Variants in KICS2 observed in about 807,000 individuals in gnomAD.
The protein encoded by KICS2 is KICSTOR complex protein C12orf66.
KICS2 carries 13 observed loss-of-function variants against 31.4 expected under a neutral mutation model. The observed-to-expected ratio is 0.41, with a 90% CI of 0.27 to 0.66. The LOEUF is 0.66. Among genes scored for constraint, KICS2 ranks in the 30% least tolerant of loss-of-function variants. The pLI, the probability that KICS2 is intolerant of heterozygous loss-of-function variation, is 0.28. For missense variants in KICS2, 455 were observed against 545.4 expected (o/e 0.83, Z 1.65); for synonymous variants, 209 against 214.8 (o/e 0.97, Z 0.24).
intron 1 of KICS2, 93 bp downstream of exon 1, chr12:64,221,910 G>C (rs980506291): frequency 9.0e-6 from 12 of 1,340,532 alleles, no homozygotes; most frequent in South Asian, 2.9e-5. Context: ...GACTAGAAGT[G>C]ACACAGAGAC....
chr12:64,206,011 C>T (rs1005079189), intron 2 of KICS2, among the ~76,000 whole-genome samples: 1 of 152,104 alleles, frequency 6.6e-6, no homozygotes, highest in Non-Finnish European at 1.5e-5. Flanking sequence ...CTGAACCTTC[C>T]AGGTTCAAGG....
intron 1 of KICS2, among the ~76,000 whole-genome samples, chr12:64,219,911 G>C (rs1017785734): frequency 1.2e-4 from 18 of 152,148 alleles, no homozygotes; most frequent in African/African-American, 4.3e-4. Context: ...GAGAACATGG[G>C]AATGTTTTAA....
chr12:64,186,864 T>C (rs907456817), downstream of KICS2: 71 of 152,246 alleles, frequency 4.7e-4, 1 homozygote, highest in African/African-American at 1.6e-3. Context: ...TTAATGAATG[T>C]TGAATATTAG....
intron 2 of KICS2, among the ~76,000 whole-genome samples, chr12:64,214,999 T>C (rs899890379): frequency 6.6e-6 from 1 of 151,928 alleles, no homozygotes; most frequent in African/African-American, 2.4e-5. Flanking sequence ...TGAATAATAA[T>C]TTGTTAAAAA....
chr12:64,212,267 C>T (rs1005470094), intron 2 of KICS2, among the ~76,000 whole-genome samples: 1 of 152,166 alleles, frequency 6.6e-6, no homozygotes, highest in Non-Finnish European at 1.5e-5. Flanking sequence ...AAAAGTCTCA[C>T]GGTCCCCAAA....
intron 2 of KICS2, among the ~76,000 whole-genome samples, chr12:64,211,405 C>G (rs187788335): frequency 1.3e-5 from 2 of 152,140 alleles, no homozygotes; most frequent in Non-Finnish European, 2.9e-5. Flanking sequence ...CATTTGAGGT[C>G]AGGAGTTCAA....
chr12:64,214,755 C>T (rs2037613186), intron 2 of KICS2, among the ~76,000 whole-genome samples: 1 of 152,098 alleles, frequency 6.6e-6, no homozygotes, highest in Admixed American at 6.6e-5. Flanking sequence ...GTGGCATGTG[C>T]CTGTAATCTC....
At chr12:64,208,903 G>A (rs1407829857) in intron 2 of KICS2, among the ~76,000 whole-genome samples, 1 of 151,812 alleles carries the variant, frequency 6.6e-6, no homozygotes, top group African/African-American at 2.4e-5. Flanking sequence ...TTTGATTTAG[G>A]AGAGTAAATA....
chr12:64,193,944 T>G lies in KICS2; in HGVS notation c.1236A>C (p.Lys412Asn). 1 of 1,614,202 alleles carries G rather than the reference T, an allele frequency of 6.2e-7. No individual in the cohort carries two copies. Among genetic ancestry groups the G allele is most frequent in the Non-Finnish European group, 8.5e-7 (1 of 1,180,040 alleles). The change falls in exon 3 of 3, where the codon AAA becomes AAC. Residue 412 changes from lysine (K) to asparagine (N), a missense_variant. Lys to Asn is a moderately conservative substitution (Grantham distance 94). Coordinates refer to ENST00000398055, the MANE Select transcript of KICS2 (RefSeq NM_152440.5). ...AAATAAAGTGGGAGTCTCTCTCAGA[T>G]TTCTTTGACTCAAAAATGATGACAA... is the stretch of plus-strand genomic sequence containing the variant. ...FTIVIIFESK[K>N]SERDSHFISF...
At chr12:64,187,349 T>C, downstream of KICS2, 1 of 449,882 alleles carries the variant, frequency 2.2e-6, no homozygotes, top group South Asian at 3.8e-5. Context: ...ATTCTGACAT[T>C]AGGAGGGACT....
chr12:64,188,084 G>A (rs1342047719), downstream of KICS2, among the ~76,000 whole-genome samples: 1 of 152,116 alleles, frequency 6.6e-6, no homozygotes. Flanking sequence ...AAAAGTAACT[G>A]GTTATAAAAA....
intron 2 of KICS2, among the ~76,000 whole-genome samples, chr12:64,212,272 C>T (rs1294431621): frequency 6.6e-6 from 1 of 152,102 alleles, no homozygotes; most frequent in Non-Finnish European, 1.5e-5. Flanking sequence ...TCTCACGGTC[C>T]CCAAAAAAGC....
At chr12:64,188,249 GCA>G (rs2037353834), downstream of KICS2, among the ~76,000 whole-genome samples, 2 of 152,202 alleles carry the variant, frequency 1.3e-5, no homozygotes, top group Non-Finnish European at 2.9e-5. Context: ...ATGGGGCTGG[GCA>G]CAGTGGCTCA....
downstream of KICS2, chr12:64,190,949 A>T (rs1488662955): frequency 1.3e-5 from 2 of 152,220 alleles, no homozygotes; most frequent in African/African-American, 4.8e-5. Flanking sequence ...GTGTCCAAAC[A>T]GCATCCTAAA....
At chr12:64,212,667 C>T (rs1274500517) in intron 2 of KICS2, among the ~76,000 whole-genome samples, 1 of 152,102 alleles carries the variant, frequency 6.6e-6, no homozygotes, top group Non-Finnish European at 1.5e-5. Context: ...TACGTGTGGA[C>T]ATATGTTTTC....
chr12:64,197,989 C>T (rs1038088943), intron 2 of KICS2, among the ~76,000 whole-genome samples: 8 of 131,822 alleles, frequency 6.1e-5, no homozygotes, highest in Admixed American at 3.9e-4. Context: ...TAGACTCCCA[C>T]GCATTAATAA....
chr12:64,207,174 T>C (rs1432964903), intron 2 of KICS2, among the ~76,000 whole-genome samples: 3 of 151,572 alleles, frequency 2.0e-5, no homozygotes, highest in South Asian at 2.1e-4. Context: ...TGTGGTGATA[T>C]GCACCTGTAG....
chr12:64,187,885 A>G (rs2037351290), downstream of KICS2, among the ~76,000 whole-genome samples: 1 of 152,256 alleles, frequency 6.6e-6, no homozygotes, highest in South Asian at 2.1e-4. Flanking sequence ...GTAAAAATAC[A>G]CTTGAAAAGA....
At chr12:64,187,585 CCTCTGGAGAAG>C, downstream of KICS2, 2 of 1,513,188 alleles carry the variant, frequency 1.3e-6, no homozygotes, top group East Asian at 4.9e-5. Context: ...TGACTCATTT[CCTCTGGAGAAG>C]CAGCTTAGAA....
Sources: gnomAD v4.1 joint callset for allele counts (sites outside exome capture counted in the v4.1 genomes callset) on GRCh38, gnomAD v4.1.1 for gene constraint, MANE v1.5 for transcripts, NCBI Gene and HGNC (gene_info 2026-07-23, HGNC 2026-07-21) for gene names.